The following FAM13A variants were observed in gnomAD, a reference collection of about 807,000 sequenced individuals.
The protein encoded by FAM13A is family with sequence similarity 13 member A.
FAM13A carries 76 observed loss-of-function variants against 129.6 expected under a neutral mutation model. That is an observed-to-expected ratio of 0.59 (90% CI 0.49 to 0.71). The LOEUF is 0.71. Among genes scored for constraint, FAM13A ranks in the 30% least tolerant of loss-of-function variants. The pLI is 0.00. For missense variants in FAM13A, 1,108 were observed against 1,249.3 expected (o/e 0.89, Z 1.70); for synonymous variants, 443 against 449.9 (o/e 0.98, Z 0.20).
intron 19 of FAM13A, among the ~76,000 whole-genome samples, chr4:88,740,526 G>A (rs1382025843): frequency 6.6e-6 from 1 of 152,254 alleles, no homozygotes; most frequent in East Asian, 1.9e-4. Context: ...GGAATGAGAT[G>A]AAGTATCTTT....
chr4:88,809,611 T>G (rs1729247338), intron 7 of FAM13A, among the ~76,000 whole-genome samples: 1 of 151,634 alleles, frequency 6.6e-6, no homozygotes, highest in Admixed American at 6.6e-5. Context: ...TCAGGCATTT[T>G]CCACATGTGC....
intron 13 of FAM13A, among the ~76,000 whole-genome samples, 183 bp downstream of exon 13, chr4:88,767,370 G>A (rs1745886095): frequency 6.6e-6 from 1 of 152,092 alleles, no homozygotes; most frequent in Admixed American, 6.5e-5. Flanking sequence ...ATTCACAAAG[G>A]AAAATAATGG....
At chr4:88,826,305 G>A (rs1237624198) in intron 7 of FAM13A, among the ~76,000 whole-genome samples, 4 of 97,082 alleles carry the variant, frequency 4.1e-5, no homozygotes, top group South Asian at 4.3e-4. Flanking sequence ...CAACTGGCAC[G>A]TAGGATTAAA....
intron 3 of FAM13A, among the ~76,000 whole-genome samples, chr4:89,000,667 A>G (rs545243397): frequency 7.9e-5 from 12 of 152,304 alleles, no homozygotes; most frequent in African/African-American, 2.2e-4. Context: ...AAGAAGGTCA[A>G]TTTATGGTGG....
chr4:88,983,366 T>C (rs989734435), intron 4 of FAM13A, among the ~76,000 whole-genome samples: 1 of 152,054 alleles, frequency 6.6e-6, no homozygotes, highest in Admixed American at 6.5e-5. Context: ...AAATAAAACC[T>C]GAGCACCTAA....
chr4:88,945,982 G>GTATATATA, intron 4 of FAM13A, among the ~76,000 whole-genome samples: 1 of 24,828 alleles, frequency 4.0e-5, no homozygotes, highest in African/African-American at 2.4e-4. Context: ...GTGTGTGTGT[G>GTATATATA]TGTGTGTGTA....
chr4:88,804,461 A>G (rs1728158180), intron 8 of FAM13A, among the ~76,000 whole-genome samples: 1 of 152,162 alleles, frequency 6.6e-6, no homozygotes, highest in Non-Finnish European at 1.5e-5. Flanking sequence ...GGAAAACCCT[A>G]TCAGTACAGC....
At chr4:88,856,360 TGTA>T (rs1197213086) in intron 6 of FAM13A, among the ~76,000 whole-genome samples, 3 of 152,114 alleles carry the variant, frequency 2.0e-5, no homozygotes, top group African/African-American at 4.8e-5. Context: ...AGAGTCCACC[TGTA>T]GTCCCAACTA....
At chr4:88,805,173 G>C in intron 7 of FAM13A, 121 bp from the exon 8 acceptor site, 1 of 637,860 alleles carries the variant, frequency 1.6e-6, no homozygotes, top group Non-Finnish European at 2.8e-6. Flanking sequence ...TCACATGATG[G>C]AATAAGGTTA....
chr4:88,863,984 A>G (rs558234248), intron 6 of FAM13A, among the ~76,000 whole-genome samples: 1 of 152,228 alleles, frequency 6.6e-6, no homozygotes, highest in Non-Finnish European at 1.5e-5. Context: ...AGATAATCAA[A>G]CAGGGTTGTC....
chr4:88,876,057 C>T lies in FAM13A; in HGVS notation c.844-24874G>A, dbSNP rs367587839. 5.7e-4 allele frequency among the ~76,000 whole-genome samples: 87 copies of T among 152,236 alleles called. No individual in the cohort carries two copies. In the East Asian group the frequency reaches 0.015, roughly 27 times the overall value. Reference sequence around the variant, plus strand: ...ATCGCAAGGACAGAAAACCAAACACCGCATGTTCTCACTCATAGGTAAGAA... The same window carrying T: ...ATCGCAAGGACAGAAAACCAAACACTGCATGTTCTCACTCATAGGTAAGAA... On this transcript the variant is annotated intron_variant, in intron 6 of 23. Transcript: ENST00000264344.
chr4:88,835,141 C>A (rs1734596689), intron 7 of FAM13A, among the ~76,000 whole-genome samples: 2 of 152,196 alleles, frequency 1.3e-5, no homozygotes. Context: ...TCCTCCTCTA[C>A]AGACACATAC....
chr4:88,959,460 G>A (rs1463931363), intron 4 of FAM13A, among the ~76,000 whole-genome samples: 3 of 152,182 alleles, frequency 2.0e-5, no homozygotes, highest in Non-Finnish European at 2.9e-5. Flanking sequence ...TTAAAAGGAC[G>A]TGGCATCTCC....
chr4:88,843,691 G>A, intron 7 of FAM13A, among the ~76,000 whole-genome samples: 1 of 152,208 alleles, frequency 6.6e-6, no homozygotes, highest in Admixed American at 6.5e-5. Flanking sequence ...CTCATGAAAT[G>A]CACTATTGTA....
At chr4:88,954,315 A>G (rs1477444242) in intron 4 of FAM13A, among the ~76,000 whole-genome samples, 1 of 152,240 alleles carries the variant, frequency 6.6e-6, no homozygotes, top group Non-Finnish European at 1.5e-5. Flanking sequence ...CCAGAGATGC[A>G]TAGGAGAATG....
At position 89,037,232 on chromosome 4, in the gene FAM13A, A is replaced by C. The variant is rs1368470786; in HGVS notation, c.28-7583T>G. ...AGGTGCTGTACCCTATAGAGCCATA[A>C]GGGCAGAGATGCCCAAGTCCTTGGG... On this transcript the variant is annotated intron_variant, in intron 1 of 23. Transcript: ENST00000264344. Among the ~76,000 whole-genome samples, 3 of 152,230 alleles carry C rather than the reference A, an allele frequency of 2.0e-5. No individual in the cohort carries two copies. In the East Asian group the frequency reaches 5.8e-4, roughly 29 times the overall value.
chr4:88,875,827 A>C (rs1330353876), intron 6 of FAM13A, among the ~76,000 whole-genome samples: 4 of 152,206 alleles, frequency 2.6e-5, no homozygotes, highest in African/African-American at 9.7e-5. Flanking sequence ...TGCTACTATA[A>C]AGATACTTGC....
At chr4:88,851,575 A>T (rs1463369164) in intron 6 of FAM13A, among the ~76,000 whole-genome samples, 1 of 152,196 alleles carries the variant, frequency 6.6e-6, no homozygotes, top group Non-Finnish European at 1.5e-5. Context: ...CAGGAAAAAA[A>T]AGAGCTAAGA....
intron 21 of FAM13A, among the ~76,000 whole-genome samples, chr4:88,732,740 A>G (rs1738113883): frequency 6.6e-6 from 1 of 152,058 alleles, no homozygotes; most frequent in Non-Finnish European, 1.5e-5. Context: ...AATTTTAGGG[A>G]AATTTTAAGA....
Sources: gnomAD v4.1 joint callset for allele counts (sites outside exome capture counted in the v4.1 genomes callset) on GRCh38, gnomAD v4.1.1 for gene constraint, MANE v1.5 for transcripts, NCBI Gene and HGNC (gene_info 2026-07-23, HGNC 2026-07-21) for gene names.